NPAS3: variants seen among roughly 807,000 people sequenced by gnomAD.
NPAS3 encodes the protein neuronal PAS domain-containing protein 3.
NPAS3 carries 14 observed loss-of-function variants against 73.1 expected under a neutral mutation model. That is an observed-to-expected ratio of 0.19 (90% CI 0.13 to 0.30). The LOEUF (loss-of-function observed/expected upper bound fraction) is 0.30. Among genes scored for constraint, NPAS3 ranks in the 10% least tolerant of loss-of-function variants. The pLI is 1.00. For missense variants in NPAS3, 1,096 were observed against 1,250.0 expected (o/e 0.88, Z 1.86); for synonymous variants, 620 against 541.5 (o/e 1.14, Z -2.01).
At chr14:32,990,679 A>G (rs375943555) in intron 1 of NPAS3, among the ~76,000 whole-genome samples, 8 of 152,118 alleles carry the variant, frequency 5.3e-5, no homozygotes, top group African/African-American at 1.9e-4. Context: ...TAATCCAAGC[A>G]CTTTGGGAGG....
At chr14:33,225,983 T>C (rs1005100739) in intron 3 of NPAS3, among the ~76,000 whole-genome samples, 3 of 152,228 alleles carry the variant, frequency 2.0e-5, no homozygotes, top group African/African-American at 7.2e-5. Context: ...CATAAGTCTA[T>C]TTGTCATGAT....
intron 5 of NPAS3, among the ~76,000 whole-genome samples, chr14:33,611,502 G>A (rs76848537): frequency 7.9e-5 from 12 of 151,970 alleles, no homozygotes; most frequent in Admixed American, 2.0e-4. Context: ...GTCTTAGACC[G>A]GGGGAGCTAA....
intron 10 of NPAS3, among the ~76,000 whole-genome samples, chr14:33,795,233 A>T (rs930284111): frequency 6.6e-6 from 1 of 152,152 alleles, no homozygotes; most frequent in Non-Finnish European, 1.5e-5. Context: ...CACTTAAAAG[A>T]GTCTTCATTT....
intron 1 of NPAS3, among the ~76,000 whole-genome samples, chr14:32,946,657 A>G (rs1174354664): frequency 1.3e-5 from 2 of 152,190 alleles, no homozygotes; most frequent in Non-Finnish European, 2.9e-5. Context: ...TTTCGGGCTT[A>G]AAAGGACTAG....
chr14:33,242,089 G>C (rs2048230023), intron 3 of NPAS3, among the ~76,000 whole-genome samples: 1 of 151,962 alleles, frequency 6.6e-6, no homozygotes, highest in African/African-American at 2.4e-5. Flanking sequence ...TAATAATTCA[G>C]AGAAGGTTAT....
intron 2 of NPAS3, among the ~76,000 whole-genome samples, chr14:33,085,093 T>C (rs992498906): frequency 2.6e-5 from 4 of 152,196 alleles, no homozygotes; most frequent in Non-Finnish European, 5.9e-5. Flanking sequence ...ATGGACATTA[T>C]TCTGGGCTTC....
intron 2 of NPAS3, among the ~76,000 whole-genome samples, chr14:33,072,928 A>G (rs2041536081): frequency 6.6e-6 from 1 of 152,166 alleles, no homozygotes; most frequent in African/African-American, 2.4e-5. Context: ...ATACATATAT[A>G]TAATTTTTAA....
intron 3 of NPAS3, among the ~76,000 whole-genome samples, chr14:33,310,461 C>T (rs1425943729): frequency 1.3e-5 from 2 of 152,122 alleles, no homozygotes; most frequent in African/African-American, 2.4e-5. Context: ...AAGACAGACC[C>T]TCACGTATTG....
intron 4 of NPAS3, among the ~76,000 whole-genome samples, chr14:33,468,682 A>G (rs1381866508): frequency 1.3e-5 from 2 of 152,198 alleles, no homozygotes; most frequent in Non-Finnish European, 2.9e-5. Flanking sequence ...TTAAAAGTAC[A>G]AGGTCTTGCC....
chr14:33,800,891 G>A lies in NPAS3; in HGVS notation c.2584G>A (p.Gly862Ser). The A allele has an allele frequency of 6.2e-7, 1 of 1,607,514 alleles. No homozygotes were observed. The highest frequency in any genetic ancestry group is 8.5e-7 in the Non-Finnish European group (1 of 1,177,524). Residue 862 changes from glycine to serine, a missense_variant, in exon 12 of 12, where the codon GGC becomes AGC. Gly to Ser is a moderately conservative substitution (Grantham distance 56). Around this residue, in one of 5 missense-constraint regions of NPAS3, gnomAD observed 698 missense variants for 676.7 expected, o/e 1.03. Coordinates refer to ENST00000356141, the Ensembl canonical transcript of NPAS3. The surrounding 1 kb of genome is among the most constrained non-coding windows in gnomAD (Gnocchi z 6.5). ...CGTGGACGTTAACAGCCCCGGCTTT[G>A]GCCTCGACCCCAAGACGCCCATGGA...
chr14:33,551,822 G>A (rs17101520), intron 4 of NPAS3, among the ~76,000 whole-genome samples: 51,049 of 151,990 alleles, frequency 0.34, 9,848 homozygotes, highest in East Asian at 0.53. Context: ...AAGTCTGGTG[G>A]TCTTTTGACT....
intron 4 of NPAS3, among the ~76,000 whole-genome samples, chr14:33,443,912 T>A (rs1379405549): frequency 6.6e-6 from 1 of 152,184 alleles, no homozygotes; most frequent in East Asian, 1.9e-4. Context: ...ATGAGAAAGT[T>A]AACCTTTTAT....
intron 2 of NPAS3, among the ~76,000 whole-genome samples, chr14:33,154,960 T>C (rs968252800): frequency 2.0e-5 from 3 of 152,226 alleles, no homozygotes; most frequent in African/African-American, 7.2e-5. Flanking sequence ...TCTATAAATA[T>C]TTATGGACAC....
chr14:33,763,110 C>T (rs1410841579), intron 7 of NPAS3, among the ~76,000 whole-genome samples: 1 of 152,150 alleles, frequency 6.6e-6, no homozygotes, highest in South Asian at 2.1e-4. Context: ...CCTCAGTCTT[C>T]GCTTCTTTAA....
chr14:33,396,006 C>T (rs193249074), intron 4 of NPAS3, among the ~76,000 whole-genome samples: 1 of 152,102 alleles, frequency 6.6e-6, no homozygotes, highest in Non-Finnish European at 1.5e-5. Context: ...GGCTTTGCCC[C>T]CATTCCCTCC....
intron 1 of NPAS3, among the ~76,000 whole-genome samples, chr14:32,941,503 A>G (rs914917951): frequency 6.6e-6 from 1 of 151,404 alleles, no homozygotes; most frequent in Non-Finnish European, 1.5e-5. Context: ...TAGCCTGTGC[A>G]TGAGTGCGTT....
intron 3 of NPAS3, among the ~76,000 whole-genome samples, chr14:33,277,376 C>T (rs1036645068): frequency 5.9e-5 from 9 of 152,118 alleles, no homozygotes; most frequent in Admixed American, 4.6e-4. Flanking sequence ...TCAGAATTAT[C>T]AAGTACTTAT....
chr14:33,636,869 C>A (rs570758695), intron 5 of NPAS3, among the ~76,000 whole-genome samples: 2 of 151,684 alleles, frequency 1.3e-5, no homozygotes, highest in South Asian at 4.1e-4. Flanking sequence ...CTCCTGCTAC[C>A]AAGCTGTCAG....
chr14:33,084,781 G>A (rs1395332779), intron 2 of NPAS3, among the ~76,000 whole-genome samples: 1 of 152,102 alleles, frequency 6.6e-6, no homozygotes, highest in Non-Finnish European at 1.5e-5. Flanking sequence ...ATGAAAAGGA[G>A]TATCAGGTAC....
Sources: allele counts gnomAD v4.1 joint callset (sites outside exome capture counted in the v4.1 genomes callset), GRCh38; gene constraint gnomAD v4.1.1; regional missense constraint gnomAD v4.1.1; non-coding constraint Gnocchi (gnomAD v3.1); transcripts MANE v1.5; gene names NCBI Gene and HGNC (gene_info 2026-07-23, HGNC 2026-07-21).